The following ARHGEF3 variants were observed in gnomAD, a reference collection of about 807,000 sequenced individuals.
ARHGEF3 encodes the protein 59.8 kDA protein.
Under a neutral mutation model 63.2 loss-of-function variants are expected in ARHGEF3, and 28 were observed. That is an observed-to-expected ratio of 0.44 (90% CI 0.33 to 0.61). ARHGEF3 has a LOEUF of 0.61. Among genes scored for constraint, ARHGEF3 ranks in the 20% least tolerant of loss-of-function variants. The pLI is 0.03. For missense variants in ARHGEF3, 533 were observed against 659.3 expected, an observed-to-expected ratio of 0.81 and a Z score of 2.10; for synonymous variants, 266 against 254.2, an observed-to-expected ratio of 1.05 and a Z score of -0.44.
chr3:57,016,475 G>C (rs549123151), intron 2 of ARHGEF3, among the ~76,000 whole-genome samples: 1 of 151,980 alleles, frequency 6.6e-6, no homozygotes. Flanking sequence ...TTAAACCCGG[G>C]AGGCGGAGGA....
chr3:57,077,147 T>C (rs982389145), intron 1 of ARHGEF3, among the ~76,000 whole-genome samples: 3 of 152,186 alleles, frequency 2.0e-5, no homozygotes, highest in African/African-American at 4.8e-5. Context: ...TGTTCATGAA[T>C]TGCATCCCAG....
At chr3:57,006,233 G>A (rs1226807278) in intron 2 of ARHGEF3, among the ~76,000 whole-genome samples, 5 of 152,120 alleles carry the variant, frequency 3.3e-5, no homozygotes, top group African/African-American at 9.7e-5. Context: ...TTAAAGTAAC[G>A]TGAGAGCAAA....
rs186430935 is a variant in ARHGEF3 at position 56,954,335 on chromosome 3, G to C, written c.129+4488C>G. ...CCTCCACCCCACCCCAACAGGAGGAGCTGCAGCAAATATTTTCACAAGGAA... is the reference window on the plus strand; with the variant it reads ...CCTCCACCCCACCCCAACAGGAGGACCTGCAGCAAATATTTTCACAAGGAA... On this transcript the variant is annotated intron_variant, in intron 3 of 12. Coordinates refer to the ARHGEF3 transcript ENST00000338458. Among the ~76,000 whole-genome samples, 110 of 152,276 alleles carry C rather than the reference G, an allele frequency of 7.2e-4. 1 individual carries two copies. The highest frequency in any genetic ancestry group is 2.6e-3 in the African/African-American group (107 of 41,556).
chr3:57,044,553 A>G (rs1704363491), intron 1 of ARHGEF3, among the ~76,000 whole-genome samples: 1 of 152,230 alleles, frequency 6.6e-6, no homozygotes, highest in South Asian at 2.1e-4. Context: ...CACTCCCACC[A>G]GGCAGCCTAC....
intron 3 of ARHGEF3, among the ~76,000 whole-genome samples, chr3:56,919,085 C>T (rs935302255): frequency 3.3e-5 from 5 of 152,186 alleles, no homozygotes; most frequent in African/African-American, 1.2e-4. Flanking sequence ...GGCACTGGGG[C>T]ACCACTGAGA....
intron 3 of ARHGEF3, among the ~76,000 whole-genome samples, chr3:56,928,688 G>A (rs2108386449): frequency 6.6e-6 from 1 of 152,280 alleles, no homozygotes; most frequent in East Asian, 1.9e-4. Context: ...CTGAGACACA[G>A]CAGGGTTTGG....
At chr3:56,968,651 AAAAGGAATAGATAAGTTT>A (rs1700773959) in intron 2 of ARHGEF3, among the ~76,000 whole-genome samples, 1 of 151,596 alleles carries the variant, frequency 6.6e-6, no homozygotes, top group African/African-American at 2.4e-5. Context: ...TTTAAAAGTA[AAAAGGAATAGATAAGTTT>A]AGTTTTAATA....
At chr3:57,034,006 T>C (rs1467151283) in intron 2 of ARHGEF3, among the ~76,000 whole-genome samples, 1 of 151,852 alleles carries the variant, frequency 6.6e-6, no homozygotes, top group African/African-American at 2.4e-5. Flanking sequence ...GATTGCACCA[T>C]TGCACTCTAG....
At chr3:56,783,791 T>C (rs1240980349) in intron 1 of ARHGEF3, among the ~76,000 whole-genome samples, 1 of 152,206 alleles carries the variant, frequency 6.6e-6, no homozygotes, top group Admixed American at 6.5e-5. Flanking sequence ...TAGTCAACAT[T>C]ATAAGGGTAA....
chr3:56,796,776 C>T (rs1334736454), intron 1 of ARHGEF3, among the ~76,000 whole-genome samples: 3 of 152,156 alleles, frequency 2.0e-5, no homozygotes, highest in African/African-American at 7.2e-5. Context: ...GTCTCATCTC[C>T]TTGACCCAGC....
intron 1 of ARHGEF3, among the ~76,000 whole-genome samples, chr3:57,052,866 C>G (rs749583091): frequency 6.6e-6 from 1 of 152,116 alleles, no homozygotes; most frequent in Non-Finnish European, 1.5e-5. Flanking sequence ...AAACCACCCC[C>G]AGGGCACCAT....
intron 3 of ARHGEF3, chr3:56,916,552 C>T (rs2041995688): frequency 7.9e-7 from 1 of 1,259,756 alleles, no homozygotes; most frequent in Non-Finnish European, 1.0e-6. Context: ...ACCTCTCCTG[C>T]TACTGCTGCT....
At chr3:56,931,577 A>C (rs1346959640) in intron 3 of ARHGEF3, among the ~76,000 whole-genome samples, 1 of 5,272 alleles carries the variant, frequency 1.9e-4, no homozygotes, top group Non-Finnish European at 7.5e-4. Context: ...TCCTGTCTCA[A>C]AAAAAAAAAA....
intron 2 of ARHGEF3, among the ~76,000 whole-genome samples, chr3:56,765,027 GA>G (rs1235379677): frequency 2.6e-5 from 4 of 152,002 alleles, no homozygotes; most frequent in African/African-American, 9.7e-5. Context: ...AAAGTGCTAG[GA>G]TTACAGGCAT....
upstream of ARHGEF3, among the ~76,000 whole-genome samples, chr3:56,802,503 G>A (rs1377816202): frequency 1.3e-5 from 2 of 152,096 alleles, no homozygotes; most frequent in African/African-American, 4.8e-5. Flanking sequence ...TAAGAGTACC[G>A]TTTGTTGAGT....
chr3:57,016,871 A>G (rs1003241266), intron 2 of ARHGEF3, among the ~76,000 whole-genome samples: 3 of 152,014 alleles, frequency 2.0e-5, no homozygotes, highest in Non-Finnish European at 4.4e-5. Context: ...CAGGACTTTG[A>G]AAATGACCTT....
intron 3 of ARHGEF3, among the ~76,000 whole-genome samples, chr3:56,901,078 T>A (rs2041488396): frequency 6.6e-6 from 1 of 152,248 alleles, no homozygotes; most frequent in Non-Finnish European, 1.5e-5. Flanking sequence ...GAAATAAGTA[T>A]GAGACTCTCA....
chr3:56,792,749 A>G (rs1578525249), intron 1 of ARHGEF3, among the ~76,000 whole-genome samples: 1 of 152,234 alleles, frequency 6.6e-6, no homozygotes, highest in African/African-American at 2.4e-5. Flanking sequence ...GAGCTAGAAT[A>G]CTACGCCCAA....
chr3:56,907,807 G>A (rs535387590), intron 3 of ARHGEF3, among the ~76,000 whole-genome samples: 33 of 152,284 alleles, frequency 2.2e-4, no homozygotes, highest in African/African-American at 7.9e-4. Flanking sequence ...ATAAGTGGGA[G>A]CTAAATGATG....
Sources: gnomAD v4.1 joint callset for allele counts (sites outside exome capture counted in the v4.1 genomes callset) on GRCh38, gnomAD v4.1.1 for gene constraint, MANE v1.5 for transcripts, NCBI Gene and HGNC (gene_info 2026-07-23, HGNC 2026-07-21) for gene names.